Variants in CSTPP1 observed in about 807,000 individuals in gnomAD.
The protein encoded by CSTPP1 is centriolar satellite-associated tubulin polyglutamylase complex regulator 1.
chr11:47,117,157 G>T, the CSTPP1 span, among the ~76,000 whole-genome samples: 1 of 152,218 alleles, frequency 6.6e-6, no homozygotes, highest in East Asian at 1.9e-4. Flanking sequence ...ATTTTTGTGT[G>T]TGAATTTGAT....
the CSTPP1 span, among the ~76,000 whole-genome samples, chr11:47,144,829 C>T: frequency 1.3e-5 from 2 of 152,066 alleles, no homozygotes; most frequent in Admixed American, 6.6e-5. Flanking sequence ...ACCTGCAGGG[C>T]TTGTTAAACC....
At chr11:46,936,968 G>T in the CSTPP1 span, 5 of 1,266,454 alleles carry the variant, frequency 3.9e-6, no homozygotes, top group East Asian at 1.6e-4. Flanking sequence ...ATGGGGAGGG[G>T]CGGAGAGGCG....
At chr11:47,032,971 T>G in the CSTPP1 span, among the ~76,000 whole-genome samples, 1 of 152,172 alleles carries the variant, frequency 6.6e-6, no homozygotes, top group African/African-American at 2.4e-5. Flanking sequence ...ACTGTATTCC[T>G]ACAACAAAGT....
At chr11:47,000,721 C>T in the CSTPP1 span, among the ~76,000 whole-genome samples, 73 of 152,210 alleles carry the variant, frequency 4.8e-4, no homozygotes, top group Non-Finnish European at 9.4e-4. Context: ...GTGAGCAAGA[C>T]AAATAAGGTA....
the CSTPP1 span, among the ~76,000 whole-genome samples, chr11:47,015,768 A>C: frequency 1.1e-4 from 16 of 152,262 alleles, no homozygotes; most frequent in African/African-American, 2.9e-4. Flanking sequence ...GAATCCAACA[A>C]TATATAAAAA....
At chr11:47,077,574 A>C in the CSTPP1 span, among the ~76,000 whole-genome samples, 33,659 of 152,010 alleles carry the variant, frequency 0.22, 4,777 homozygotes, top group East Asian at 0.65. Context: ...GAAACTACTG[A>C]AGAGTATGTT....
At chr11:46,987,930 A>G in the CSTPP1 span, 1 of 152,360 alleles carries the variant, frequency 6.6e-6, no homozygotes, top group Non-Finnish European at 1.5e-5. Context: ...TCAAAACAAG[A>G]CATACAAATG....
At chr11:47,001,907 T>C in the CSTPP1 span, among the ~76,000 whole-genome samples, 1 of 152,320 alleles carries the variant, frequency 6.6e-6, no homozygotes, top group African/African-American at 2.4e-5. Flanking sequence ...TTCGCTGATT[T>C]CCAGCTTGTA....
the CSTPP1 span, among the ~76,000 whole-genome samples, chr11:46,978,298 A>G: frequency 2.6e-5 from 4 of 152,216 alleles, no homozygotes; most frequent in African/African-American, 9.6e-5. Context: ...AGTTTGGGAA[A>G]AGGGAAGATC....
chr11:47,044,833 C>T, the CSTPP1 span, among the ~76,000 whole-genome samples: 1 of 152,060 alleles, frequency 6.6e-6, no homozygotes, highest in Non-Finnish European at 1.5e-5. Context: ...CACTTGAACC[C>T]AGGAGTTCAA....
At chr11:47,029,436 G>A in the CSTPP1 span, among the ~76,000 whole-genome samples, 3 of 151,684 alleles carry the variant, frequency 2.0e-5, no homozygotes, top group African/African-American at 7.3e-5. Context: ...GTGAAACCCC[G>A]TCTCTACTAA....
At chr11:47,070,927 T>C in the CSTPP1 span, among the ~76,000 whole-genome samples, 1 of 152,262 alleles carries the variant, frequency 6.6e-6, no homozygotes, top group Non-Finnish European at 1.5e-5. Flanking sequence ...ACAGAAACAC[T>C]TTCCCCAAAC....
the CSTPP1 span, chr11:46,936,704 C>A: frequency 6.5e-7 from 1 of 1,540,052 alleles, no homozygotes; most frequent in Non-Finnish European, 8.7e-7. Context: ...CTCCAGCTCC[C>A]GTCCCCCTTC....
At chr11:47,021,581 G>A in the CSTPP1 span, among the ~76,000 whole-genome samples, 161 of 152,272 alleles carry the variant, frequency 1.1e-3, no homozygotes, top group African/African-American at 3.5e-3. Flanking sequence ...GCTAGCTGCA[G>A]TTTGGTGCTC....
chr11:47,162,325 C>G, the CSTPP1 span: 2 of 908,540 alleles, frequency 2.2e-6, no homozygotes, highest in Non-Finnish European at 2.6e-6. Context: ...TCTGGTAGGA[C>G]TAGGAGGTAG....
the CSTPP1 span, among the ~76,000 whole-genome samples, chr11:46,946,583 G>A: frequency 1.3e-5 from 2 of 152,200 alleles, no homozygotes; most frequent in Non-Finnish European, 2.9e-5. Flanking sequence ...GTGTGAACCC[G>A]GGAGGCGGAG....
the CSTPP1 span, among the ~76,000 whole-genome samples, chr11:47,148,288 C>A: frequency 6.6e-6 from 1 of 152,162 alleles, no homozygotes; most frequent in East Asian, 1.9e-4. Context: ...CTTCAGCCAC[C>A]CCATGACTGC....
At chr11:47,008,796 C>A in the CSTPP1 span, among the ~76,000 whole-genome samples, 1 of 152,068 alleles carries the variant, frequency 6.6e-6, no homozygotes, top group Non-Finnish European at 1.5e-5. Context: ...CTTTGGGAGG[C>A]TGAGCAAGCA....
the CSTPP1 span, among the ~76,000 whole-genome samples, chr11:46,999,777 T>A: frequency 6.6e-6 from 1 of 152,248 alleles, no homozygotes; most frequent in Non-Finnish European, 1.5e-5. Flanking sequence ...GTGGGTGATT[T>A]ACCTTTAAAC....
Sources: allele counts gnomAD v4.1 joint callset (sites outside exome capture counted in the v4.1 genomes callset), GRCh38; gene constraint gnomAD v4.1.1; transcripts MANE v1.5; gene names NCBI Gene and HGNC (gene_info 2026-07-23, HGNC 2026-07-21).